The following NOTCH3 variants were observed in gnomAD, a reference collection of about 807,000 sequenced individuals.
The protein encoded by NOTCH3 is notch receptor 3.
A neutral mutation model predicts 213.3 loss-of-function variants in NOTCH3; 86 were observed. That is an observed-to-expected ratio of 0.40 (90% confidence interval 0.34 to 0.48). The LOEUF is 0.48. Ranked by LOEUF, NOTCH3 falls within the 20% of genes least tolerant of loss-of-function variation. NOTCH3 has a pLI of 0.57. For missense variants in NOTCH3, 2,783 were observed against 3,272.6 expected (o/e 0.85, Z 3.65); for synonymous variants, 1,354 against 1,355.9 (o/e 1.00, Z 0.03).
chr19:15,185,036 A>C lies in NOTCH3; in HGVS notation c.2297-17T>G. On this transcript the variant is annotated splice_polypyrimidine_tract_variant and intron_variant, in intron 14 of 32. Coordinates refer to ENST00000263388, the MANE Select transcript of NOTCH3 (RefSeq NM_000435.3). This position sits in a 1 kb window ranked among gnomAD's most constrained non-coding sequence, Gnocchi z 4.2. Reference sequence around the variant, plus strand: ...ACTGACGTCCTGTTGGGGGTGGAAGAGAGGGAAGCAGAGATAGCCTTGAGG... The same window carrying C: ...ACTGACGTCCTGTTGGGGGTGGAAGCGAGGGAAGCAGAGATAGCCTTGAGG... The C allele has an allele frequency of 1.4e-6, 2 of 1,380,420 alleles. No homozygotes were observed. The highest frequency in any genetic ancestry group is 2.0e-6 in the Non-Finnish European group (2 of 1,007,372). The allele number at this position is 1,380,420 out of a possible 1,614,324, so 85.5% of individuals were successfully genotyped here.
intron 15 of NOTCH3, 51 bp from the exon 16 acceptor site, chr19:15,184,501 G>T (rs1285621353): frequency 3.2e-6 from 5 of 1,580,510 alleles, no homozygotes; most frequent in South Asian, 2.2e-5. Context: ...ACAGAGCAGG[G>T]TCTCAGGGAC....
At chr19:15,186,184 G>C (rs751611563) in intron 12 of NOTCH3, among the ~76,000 whole-genome samples, 3 of 151,594 alleles carry the variant, frequency 2.0e-5, no homozygotes, top group African/African-American at 7.3e-5. Context: ...GGCTAGTCTC[G>C]AACTCCTGGG....
intron 23 of NOTCH3, chr19:15,178,413 G>A (rs1251265258): frequency 7.0e-6 from 3 of 428,558 alleles, no homozygotes; most frequent in Non-Finnish European, 8.5e-6. Flanking sequence ...TTTTGAGACG[G>A]AGTGTCACTC....
intron 23 of NOTCH3, 87 bp from the exon 24 acceptor site, chr19:15,178,177 G>T: frequency 1.2e-6 from 1 of 825,578 alleles, no homozygotes; most frequent in Non-Finnish European, 1.9e-6. Context: ...GTGGGGAAAA[G>T]AAGAGTCAAG....
chr19:15,170,682 C>A lies in NOTCH3; in HGVS notation c.4880G>T (p.Arg1627Leu), dbSNP rs1407627346. ...AGGCAGGGCCGCACCCCGCACGTCCCGCAGTGGGTACGGGAAGTCCAGGCG... is the reference window on the plus strand; with the variant it reads ...AGGCAGGGCCGCACCCCGCACGTCCAGCAGTGGGTACGGGAAGTCCAGGCG... ...VERLDFPYPL[R>L]DVRGEPLEPP... is the part of the protein sequence containing the mutation. Residue 1627 changes from arginine to leucine, a missense_variant, in exon 26 of 33, where the codon CGG becomes CTG. By Grantham distance (102) the Arg-to-Leu change is moderately radical. Around this residue, in one of 6 missense-constraint regions of NOTCH3, gnomAD observed 636 missense variants for 801.8 expected, o/e 0.79. Transcript: ENST00000263388. 1.3e-6 allele frequency: 2 copies of A among 1,578,968 alleles called. No homozygotes were observed. The highest frequency in any genetic ancestry group is 1.2e-5 in the South Asian group (1 of 86,804).
intron 6 of NOTCH3, 93 bp downstream of exon 6, chr19:15,191,331 C>G: frequency 8.6e-7 from 1 of 1,160,292 alleles, no homozygotes; most frequent in South Asian, 1.3e-5. Flanking sequence ...CTGTGCCCAG[C>G]CTAGCATAAT....
rs1404808380 is a variant in NOTCH3 at position 15,200,433 on chromosome 19, A to G, written c.118+355T>C. On this transcript the variant is annotated intron_variant, in intron 1 of 32. Transcript: ENST00000263388. ...CGGCCTAGAAGTACCTGGGCCCCCA[A>G]TCATAACCTACCCAGGACTCCAGGC... is the stretch of plus-strand genomic sequence containing the variant. Among the ~76,000 whole-genome samples the G allele has an allele frequency of 2.6e-5, 4 of 151,756 alleles. No homozygotes were observed. The South Asian group carries it at 6.2e-4, about 24-fold the overall frequency.
At chr19:15,176,577 C>T (rs2046791402) in intron 24 of NOTCH3, among the ~76,000 whole-genome samples, 1 of 151,862 alleles carries the variant, frequency 6.6e-6, no homozygotes, top group Non-Finnish European at 1.5e-5. Context: ...GCCTGGACAA[C>T]ATGGCGAAAC....
At chr19:15,195,520 A>T (rs2046962765) in intron 2 of NOTCH3, among the ~76,000 whole-genome samples, 1 of 146,044 alleles carries the variant, frequency 6.8e-6, no homozygotes, top group Non-Finnish European at 1.5e-5. Context: ...CTTGTCCCAG[A>T]CGCCTGAGAC....
rs376494303 is a variant in NOTCH3 at position 15,161,108 on chromosome 19, G to A, written c.6520C>T (p.Arg2174Trp). Residue 2174 changes from arginine (R) to tryptophan (W), a missense_variant, in exon 33 of 33, where the codon CGG becomes TGG. Physicochemically the swap from Arg to Trp is moderately radical, Grantham distance 101. This residue lies in a region of NOTCH3 where 441 missense variants were observed against 432.1 expected (regional missense o/e 1.02). Coordinates refer to ENST00000263388, the MANE Select transcript of NOTCH3 (RefSeq NM_000435.3). Reference sequence around the variant, plus strand: ...CCTGGAGGGGCAGGTGGGGGCAGCCGGGCCCAATCGAGGGGCACAGCCACA... The same window carrying A: ...CCTGGAGGGGCAGGTGGGGGCAGCCAGGCCCAATCGAGGGGCACAGCCACA... Reference protein sequence around the residue: ...NPVAVPLDWARLPPPAPPGPS... With the variant: ...NPVAVPLDWAWLPPPAPPGPS... 53 of 1,539,570 alleles carry A rather than the reference G, an allele frequency of 3.4e-5. No individual in the cohort carries two copies. Among genetic ancestry groups the A allele is most frequent in the Admixed American group, 3.9e-5 (2 of 51,176 alleles).
At chr19:15,187,378 G>A (rs771434627) in intron 10 of NOTCH3, 40 bp from the exon 11 acceptor site, 1 of 1,580,904 alleles carries the variant, frequency 6.3e-7, no homozygotes, top group Admixed American at 1.7e-5. Flanking sequence ...CACTTGCCAG[G>A]GGCCTGCCCA....
chr19:15,181,742 G>A lies in NOTCH3; in HGVS notation c.2626C>T (p.Leu876Phe). ...DGVGSFSCSC[L>F]PGFAGPRCAR... Reference sequence around the variant, plus strand: ...CATCGTGGGCCGGCGAAACCAGGGAGGCAGGAGCAGGAAAAGGAGCCCACG... The same window carrying A: ...CATCGTGGGCCGGCGAAACCAGGGAAGCAGGAGCAGGAAAAGGAGCCCACG... Residue 876 changes from leucine (L) to phenylalanine (F), a missense_variant, in exon 17 of 33, where the codon CTC becomes TTC. Around this residue, in one of 6 missense-constraint regions of NOTCH3, gnomAD observed 861 missense variants for 909.1 expected, o/e 0.95. Transcript: ENST00000263388. The A allele has an allele frequency of 1.9e-6, 3 of 1,574,876 alleles. No individual in the cohort carries two copies. Among genetic ancestry groups the A allele is most frequent in the East Asian group, 4.6e-5 (2 of 43,040 alleles).
chr19:15,178,128 G>A, intron 23 of NOTCH3, 38 bp from the exon 24 acceptor site: 1 of 1,341,818 alleles, frequency 7.5e-7, no homozygotes, highest in South Asian at 1.3e-5. Flanking sequence ...ATAAAAATGA[G>A]GGTGGGGAGT....
intron 16 of NOTCH3, among the ~76,000 whole-genome samples, chr19:15,182,447 C>A (rs887601838): frequency 1.1e-4 from 17 of 150,888 alleles, no homozygotes; most frequent in African/African-American, 4.1e-4. Flanking sequence ...GTCAAGGCTG[C>A]AGTGAGTCAT....
intron 2 of NOTCH3, among the ~76,000 whole-genome samples, chr19:15,194,260 G>A (rs935720300): frequency 6.6e-6 from 1 of 151,990 alleles, no homozygotes; most frequent in Non-Finnish European, 1.5e-5. Context: ...AAAAAAGAGA[G>A]AGGCAGCCAA....
Position 15,200,783 on chromosome 19 carries a change from C to CA in NOTCH3, c.118+4_118+5insT. On this transcript the variant is annotated splice_donor_region_variant and intron_variant, in intron 1 of 32. Transcript: ENST00000263388. ...CGTCCCATCCGCCAGGTCCCGGCCC[C>CA]TCACCTGCAGCCCCCGGCCCCGCTA... The CA allele has an allele frequency of 7.7e-7, 1 of 1,292,108 alleles. No individual in the cohort carries two copies. The highest frequency in any genetic ancestry group is 9.9e-7 in the Non-Finnish European group (1 of 1,014,316). 80.0% of individuals were successfully genotyped at this position (1,292,108 alleles called of 1,614,324 possible).
At chr19:15,172,171 C>T (rs539266706) in intron 25 of NOTCH3, among the ~76,000 whole-genome samples, 6 of 152,320 alleles carry the variant, frequency 3.9e-5, no homozygotes, top group Admixed American at 3.3e-4. Context: ...GCTGGGATCA[C>T]AGTTGTGAGC....
chr19:15,197,447 C>T lies in NOTCH3; in HGVS notation c.197+53G>A, dbSNP rs1253729095. The T allele has an allele frequency of 3.5e-5, 25 of 707,476 alleles. 2 individuals are homozygous for T. Among genetic ancestry groups the T allele is most frequent in the Non-Finnish European group, 5.9e-5 (23 of 387,190 alleles). The allele number at this position is 707,476 out of a possible 1,614,324, so 43.8% of individuals were successfully genotyped here. On this transcript the variant is annotated intron_variant, in intron 2 of 32. Transcript: ENST00000263388. ...CAGAGGGAGAAGACAAATCGCCCCT[C>T]CCCCCCGCCCCCACACACAGGGCCC...
intron 2 of NOTCH3, among the ~76,000 whole-genome samples, chr19:15,195,433 C>T (rs2046961861): frequency 6.6e-6 from 1 of 151,976 alleles, no homozygotes; most frequent in South Asian, 2.1e-4. Context: ...GTCCAAGCTC[C>T]GCCCCCCGAC....
Sources: gnomAD v4.1 joint callset for allele counts (sites outside exome capture counted in the v4.1 genomes callset) on GRCh38, gnomAD v4.1.1 for gene constraint, gnomAD v4.1.1 regional missense constraint, Gnocchi (gnomAD v3.1) non-coding constraint, MANE v1.5 for transcripts, NCBI Gene and HGNC (gene_info 2026-07-23, HGNC 2026-07-21) for gene names.